Variants in PWWP3B observed in about 807,000 individuals in gnomAD.
PWWP3B encodes the protein PWWP domain-containing DNA repair factor 3B.
Under a neutral mutation model 15.7 loss-of-function variants are expected in PWWP3B, and 5 were observed. The ratio of observed to expected loss-of-function variants is 0.32; its 90% CI spans 0.17 to 0.67. The LOEUF is 0.67. PWWP3B is among the 30% of genes least tolerant of loss of function. The probability of loss-of-function intolerance (pLI) is 0.74; values close to 1 mark genes in which losing one functional copy is unlikely to be tolerated. For synonymous variants in PWWP3B, 203 were observed against 179.8 expected (o/e 1.13, Z -1.03); for missense variants, 519 against 493.1 (o/e 1.05, Z -0.50).
intron 2 of PWWP3B, among the ~76,000 whole-genome samples, chrX:106,192,687 A>C (rs1923074592): frequency 9.0e-6 from 1 of 111,001 alleles, no homozygotes; most frequent in African/African-American, 3.3e-5. Flanking sequence ...TTAGTGCTAT[A>C]AATTTCCCTC....
intron 2 of PWWP3B, among the ~76,000 whole-genome samples, chrX:106,184,250 G>T (rs1016216685): frequency 2.7e-5 from 3 of 111,247 alleles, no homozygotes; most frequent in Admixed American, 1.9e-4. Context: ...TGATACCTGG[G>T]GCTGATTGGG....
At chrX:106,201,449 CTG>C (rs749023603) in intron 2 of PWWP3B, among the ~76,000 whole-genome samples, 5 of 112,771 alleles carry the variant, frequency 4.4e-5, no homozygotes, top group African/African-American at 1.6e-4. Context: ...ATATTAGTAA[CTG>C]TGTTTTGATT....
chrX:106,170,953 GT>G lies in PWWP3B; in HGVS notation c.-528-56del, dbSNP rs1181702500. The G allele has an allele frequency of 2.7e-5, 3 of 111,694 alleles. No individual in the cohort carries two copies. The East Asian group carries it at 8.5e-4, about 32-fold the overall frequency. 9.2% of individuals were successfully genotyped at this position (111,694 alleles called of 1,213,427 possible). On this transcript the variant is annotated intron_variant, in intron 1 of 3. Transcript: ENST00000357175. The stretch of plus-strand genomic sequence containing the variant: ...TGTTTTGGAATGACAGCCTGTTAGA[GT>G]TTAGGTAGGGAAATTTATTTACACC...
rs1924011258 is a variant in PWWP3B, at chrX:106,206,221, A to G, written c.789A>G (p.Leu263=). ...AAGAAGAGAGCGAGGATACCTGCCT[A>G]GAGACCCTGGCTGTTCCCTCTGAAT... The part of the protein sequence containing the change: ...ALKEESEDTC[L]ETLAVPSECS... The change falls in exon 4 of 4, where the codon CTA becomes CTG. Residue 263 remains leucine (L), a synonymous_variant. Coordinates refer to ENST00000357175, the MANE Select transcript of PWWP3B (RefSeq NM_001171020.2). 1.7e-6 allele frequency: 2 copies of G among 1,204,567 alleles called. No homozygotes were observed. The highest frequency in any genetic ancestry group is 2.2e-5 in the Admixed American group (1 of 45,113).
chrX:106,188,093 G>A (rs1446042083), intron 2 of PWWP3B, among the ~76,000 whole-genome samples: 1 of 111,207 alleles, frequency 9.0e-6, no homozygotes, highest in African/African-American at 3.3e-5. Context: ...TCTGCCAATG[G>A]GGATAAATTT....
intron 2 of PWWP3B, among the ~76,000 whole-genome samples, chrX:106,180,743 A>G (rs1456784423): frequency 8.9e-6 from 1 of 112,270 alleles, no homozygotes; most frequent in Non-Finnish European, 1.9e-5. Context: ...CTATATCCAG[A>G]TAATAATTCA....
chrX:106,190,967 G>A lies in PWWP3B; in HGVS notation c.-400-13018G>A, dbSNP rs773116599. ...CCGTAGCCTTGTAGTATAGTTTGAA[G>A]TCAGGTGGCGTGATGCCTCCAGCTT... On this transcript the variant is annotated intron_variant, in intron 2 of 3. Coordinates refer to ENST00000357175, the MANE Select transcript of PWWP3B (RefSeq NM_001171020.2). Among the ~76,000 whole-genome samples, 34 of 111,461 alleles carry A rather than the reference G, an allele frequency of 3.1e-4. No individual in the cohort carries two copies. The South Asian group carries it at 7.9e-3, about 26-fold the overall frequency.
intron 2 of PWWP3B, among the ~76,000 whole-genome samples, chrX:106,185,258 C>A (rs1369942966): frequency 9.0e-6 from 1 of 111,420 alleles, no homozygotes; most frequent in Non-Finnish European, 1.9e-5. Flanking sequence ...GTCCCAATGG[C>A]TTAGGATACA....
At chrX:106,170,526 C>T (rs1297234995) in intron 1 of PWWP3B, among the ~76,000 whole-genome samples, 1 of 112,095 alleles carries the variant, frequency 8.9e-6, no homozygotes, top group East Asian at 2.8e-4. Context: ...CAAGATGGTG[C>T]TTGCCAGGTT....
chrX:106,196,568 C>T (rs768989198), intron 2 of PWWP3B, among the ~76,000 whole-genome samples: 19 of 111,179 alleles, frequency 1.7e-4, no homozygotes, highest in Non-Finnish European at 3.6e-4. Context: ...CCATTTTAGT[C>T]TGTTGATATG....
At chrX:106,179,913 G>C (rs1037167769) in intron 2 of PWWP3B, among the ~76,000 whole-genome samples, 1 of 112,163 alleles carries the variant, frequency 8.9e-6, no homozygotes, top group Non-Finnish European at 1.9e-5. Context: ...CAGTCATAAT[G>C]ATGTCTAATT....
chrX:106,195,958 A>T (rs1327063839), intron 2 of PWWP3B, among the ~76,000 whole-genome samples: 1 of 111,880 alleles, frequency 8.9e-6, no homozygotes, highest in African/African-American at 3.2e-5. Context: ...TTTAGGTCTT[A>T]TTTAATTTAT....
rs1287772092 is a variant in PWWP3B, at chrX:106,206,215, C to T, written c.783C>T (p.Thr261=). ...PKALKEESED[T]CLETLAVPSE... is the part of the protein sequence containing the mutation. ...CTTTGAAAGAAGAGAGCGAGGATACCTGCCTAGAGACCCTGGCTGTTCCCT... is the reference window on the plus strand; with the variant it reads ...CTTTGAAAGAAGAGAGCGAGGATACTTGCCTAGAGACCCTGGCTGTTCCCT... The change falls in exon 4 of 4, where the codon ACC becomes ACT. Residue 261 remains threonine (T), a synonymous_variant. Coordinates refer to ENST00000357175, the MANE Select transcript of PWWP3B (RefSeq NM_001171020.2). 1 of 1,203,811 alleles carries T rather than the reference C, an allele frequency of 8.3e-7. No individual in the cohort carries two copies. Among genetic ancestry groups the T allele is most frequent in the African/African-American group, 1.8e-5 (1 of 56,965 alleles).
chrX:106,170,370 A>G, intron 1 of PWWP3B, among the ~76,000 whole-genome samples: 1 of 111,982 alleles, frequency 8.9e-6, no homozygotes. Flanking sequence ...AGAAAGATAT[A>G]TACAATTTGC....
rs989505113 is a variant in PWWP3B, at chrX:106,188,896, T to G, written c.-400-15089T>G. ...ATTCTAACATATGGATGTTCTGCAA[T>G]TTGAGTATCCAATTACCAGTAGATT... On this transcript the variant is annotated intron_variant, in intron 2 of 3. Coordinates refer to ENST00000357175, the MANE Select transcript of PWWP3B (RefSeq NM_001171020.2). Among the ~76,000 whole-genome samples the G allele has an allele frequency of 2.7e-5, 3 of 112,745 alleles. No individual in the cohort carries two copies. In the East Asian group the frequency reaches 8.3e-4, roughly 31 times the overall value.
intron 2 of PWWP3B, among the ~76,000 whole-genome samples, chrX:106,186,772 G>C (rs1390108162): frequency 9.0e-6 from 1 of 111,197 alleles, no homozygotes; most frequent in African/African-American, 3.3e-5. Context: ...TGCTGGCTGG[G>C]GTGGCCAGCT....
chrX:106,182,927 G>C (rs915814445), intron 2 of PWWP3B, among the ~76,000 whole-genome samples: 1 of 111,324 alleles, frequency 9.0e-6, no homozygotes, highest in Non-Finnish European at 1.9e-5. Flanking sequence ...TTTTTAGTCT[G>C]GGATGTTTCC....
rs756463164 is a variant in PWWP3B, at chrX:106,189,657, G to A, written c.-400-14328G>A. 4.7e-3 allele frequency among the ~76,000 whole-genome samples: 419 copies of A among 90,075 alleles called. 3 individuals are homozygous for A. The highest frequency in any genetic ancestry group is 0.029 in the Middle Eastern group (4 of 138). The allele number at this position is 90,075 out of a possible 115,157, so 78.2% of individuals were successfully genotyped here. ...TTCTGAGACGGAGTCTCGCTCTGTC[G>A]CCCAGGCTGGAGTGCAGTGGCGTGA... On this transcript the variant is annotated intron_variant, in intron 2 of 3. Coordinates refer to ENST00000357175, the MANE Select transcript of PWWP3B (RefSeq NM_001171020.2).
At chrX:106,183,659 G>A (rs1350197761) in intron 2 of PWWP3B, among the ~76,000 whole-genome samples, 1 of 112,414 alleles carries the variant, frequency 8.9e-6, no homozygotes. Context: ...GAAATACCTG[G>A]TTACAGGCTG....
Sources: gnomAD v4.1 joint callset for allele counts (sites outside exome capture counted in the v4.1 genomes callset) on GRCh38, gnomAD v4.1.1 for gene constraint, MANE v1.5 for transcripts, NCBI Gene and HGNC (gene_info 2026-07-23, HGNC 2026-07-21) for gene names.